CA11: variants seen among roughly 807,000 people sequenced by gnomAD.
CA11 encodes carbonic anhydrase 11 (inactive), also known as carbonic anhydrase-related protein 11.
Under a neutral mutation model 39.3 loss-of-function variants are expected in CA11, and 20 were observed. The ratio of observed to expected loss-of-function variants is 0.51; its 90% CI spans 0.36 to 0.74. The LOEUF (loss-of-function observed/expected upper bound fraction) is 0.74, where lower values mean the gene tolerates loss of function less well. Ranked by LOEUF, CA11 falls within the 30% of genes least tolerant of loss-of-function variation. The pLI, the probability that CA11 is intolerant of heterozygous loss-of-function variation, is 0.00. For synonymous variants in CA11, 166 were observed against 172.5 expected (o/e 0.96, Z 0.29); for missense variants, 336 against 424.6 (o/e 0.79, Z 1.83).
rs762827224 is a variant in CA11, at chr19:48,644,570, C to G, written c.143-1G>C. 6.3e-7 allele frequency: 1 copy of G among 1,582,998 alleles called. No individual in the cohort carries two copies. The highest frequency in any genetic ancestry group is 2.3e-5 in the East Asian group (1 of 44,332). On this transcript the variant is annotated splice_acceptor_variant, in intron 2 of 8. Transcript: ENST00000084798. LOFTEE classifies it high-confidence loss of function. ...TTCACCAGGCCCCAGAAAGGAGGCC[C>G]TGGGGGTGGGGTCGGAGTAGGAGGA...
Position 48,645,723 on chromosome 19 carries a change from G to A in CA11, c.-91C>T, listed in dbSNP as rs2031230194. The A allele has an allele frequency of 9.0e-7, 1 of 1,105,104 alleles. No homozygotes were observed. The highest frequency in any genetic ancestry group is 1.2e-6 in the Non-Finnish European group (1 of 809,918). 68.5% of individuals were successfully genotyped at this position (1,105,104 alleles called of 1,614,324 possible). ...CTCCTTCTGGGACCCTGTCCCTCCA[G>A]GACTTCCAGCTTTCCTCTCCTCCCC... On this transcript the variant is annotated 5_prime_UTR_variant, in exon 1 of 9. Coordinates refer to ENST00000084798, the MANE Select transcript of CA11 (RefSeq NM_001217.5).
At chr19:48,645,302 C>T in intron 2 of CA11, 101 bp downstream of exon 2, 1 of 1,053,622 alleles carries the variant, frequency 9.5e-7, no homozygotes, top group Non-Finnish European at 1.4e-6. Flanking sequence ...GCTGGGACTC[C>T]TGGTCCTGGG....
chr19:48,639,958 T>A, intron 4 of CA11, 75 bp from the exon 5 acceptor site: 1 of 1,533,034 alleles, frequency 6.5e-7, no homozygotes, highest in Non-Finnish European at 9.0e-7. Flanking sequence ...GGGGCCCGAA[T>A]CAGGCTGAGG....
intron 8 of CA11, 136 bp from the exon 9 acceptor site, chr19:48,638,280 C>A (rs757436743): frequency 1.6e-6 from 2 of 1,220,706 alleles, no homozygotes; most frequent in Non-Finnish European, 2.0e-6. Context: ...TGTACTAGGT[C>A]GAGAAGCACT....
At position 48,646,032 on chromosome 19, in the gene CA11, C is replaced by T. The variant is rs1479303942; in HGVS notation, c.-400G>A. ...CCAGGTCTCCATCCCGCATCTCCTC[C>T]TCCTCCTCCCTCTCTCCTTTCCAGC... On this transcript the variant is annotated 5_prime_UTR_variant, in exon 1 of 9. Coordinates refer to ENST00000084798, the MANE Select transcript of CA11 (RefSeq NM_001217.5). The T allele has an allele frequency of 2.6e-6, 1 of 392,088 alleles. No individual in the cohort carries two copies. Among genetic ancestry groups the T allele is most frequent in the Non-Finnish European group, 4.5e-6 (1 of 221,452 alleles). The allele number at this position is 392,088 out of a possible 1,614,324, so 24.3% of individuals were successfully genotyped here. A position where few individuals can be genotyped will look rare whatever the true frequency, so the allele number is the denominator to read the frequency against.
At chr19:48,638,858 G>T in intron 8 of CA11, 30 bp downstream of exon 8, 1 of 1,532,532 alleles carries the variant, frequency 6.5e-7, no homozygotes, top group South Asian at 1.3e-5. Flanking sequence ...GTTAGCCCAA[G>T]ACTTAGAGGG....
chr19:48,641,541 T>C (rs971478849), intron 3 of CA11, among the ~76,000 whole-genome samples: 1 of 152,226 alleles, frequency 6.6e-6, no homozygotes, highest in African/African-American at 2.4e-5. Flanking sequence ...AACTACATCC[T>C]GAGCTCATGT....
At chr19:48,641,456 C>A (rs1454591233) in intron 3 of CA11, among the ~76,000 whole-genome samples, 1 of 152,140 alleles carries the variant, frequency 6.6e-6, no homozygotes, top group African/African-American at 2.4e-5. Flanking sequence ...AGACAAAAGT[C>A]CTGGGCCTTA....
Position 48,645,860 on chromosome 19 carries a change from T to A in CA11, c.-228A>T. ...TCTGTGTCTTTCCTCTTTCCTCTGC[T>A]CTTTTCCCGGAACCCTCCAGTCTCC... On this transcript the variant is annotated 5_prime_UTR_variant, in exon 1 of 9. Coordinates refer to ENST00000084798, the MANE Select transcript of CA11 (RefSeq NM_001217.5). 1 of 526,016 alleles carries A rather than the reference T, an allele frequency of 1.9e-6. No individual in the cohort carries two copies. The highest frequency in any genetic ancestry group is 2.8e-5 in the South Asian group (1 of 36,064). The allele number at this position is 526,016 out of a possible 1,614,324, so 32.6% of individuals were successfully genotyped here.
rs1196178219 is a variant in CA11, at chr19:48,646,038, C to T, written c.-406G>A. ...CTCCATCCCGCATCTCCTCCTCCTC[C>T]TCCCTCTCTCCTTTCCAGCTCCTGC... On this transcript the variant is annotated 5_prime_UTR_variant, in exon 1 of 9. Coordinates refer to ENST00000084798, the MANE Select transcript of CA11 (RefSeq NM_001217.5). The T allele has an allele frequency of 2.6e-6, 1 of 389,492 alleles. No homozygotes were observed. Among genetic ancestry groups the T allele is most frequent in the African/African-American group, 2.1e-5 (1 of 48,444 alleles). The allele number at this position is 389,492 out of a possible 1,614,324, so 24.1% of individuals were successfully genotyped here.
At chr19:48,641,466 A>G (rs2031083317) in intron 3 of CA11, among the ~76,000 whole-genome samples, 1 of 152,208 alleles carries the variant, frequency 6.6e-6, no homozygotes, top group African/African-American at 2.4e-5. Flanking sequence ...CCTGGGCCTT[A>G]TGGAGTTTAT....
At chr19:48,644,590 G>A (rs1202167303) in intron 2 of CA11, 21 bp from the exon 3 acceptor site, 1 of 1,529,056 alleles carries the variant, frequency 6.5e-7, no homozygotes, top group East Asian at 2.3e-5. Context: ...GGTCGGAGTA[G>A]GAGGACAAGG....
intron 4 of CA11, 77 bp from the exon 5 acceptor site, chr19:48,639,960 A>T: frequency 1.3e-6 from 2 of 1,528,024 alleles, no homozygotes; most frequent in Non-Finnish European, 1.8e-6. Context: ...GGCCCGAATC[A>T]GGCTGAGGAT....
At chr19:48,642,399 T>G (rs1050268299) in intron 3 of CA11, among the ~76,000 whole-genome samples, 1 of 152,130 alleles carries the variant, frequency 6.6e-6, no homozygotes, top group African/African-American at 2.4e-5. Context: ...CTTGGGAGGC[T>G]GAGGCAGGAG....
rs59280817 is a variant in CA11, at chr19:48,642,355, T to C, written c.285+2072A>G. Among the ~76,000 whole-genome samples, 1,151 of 151,952 alleles carry C rather than the reference T, an allele frequency of 7.6e-3. 18 individuals carry two copies. Among genetic ancestry groups the C allele is most frequent in the African/African-American group, 0.026 (1,092 of 41,432 alleles). On this transcript the variant is annotated intron_variant, in intron 3 of 8. Coordinates refer to ENST00000084798, the MANE Select transcript of CA11 (RefSeq NM_001217.5). ...CTCTACTAAAAATACAAAAACCAGC[T>C]GGGTGTGGCGGTGGGCGCCTGTAAT...
chr19:48,641,269 C>T (rs979739044), intron 3 of CA11, among the ~76,000 whole-genome samples: 6 of 152,188 alleles, frequency 3.9e-5, no homozygotes, highest in South Asian at 2.1e-4. Flanking sequence ...CGTGAGCCAC[C>T]GTGCCTGGCC....
At chr19:48,640,731 G>A (rs1404331417) in intron 3 of CA11, among the ~76,000 whole-genome samples, 1 of 149,304 alleles carries the variant, frequency 6.7e-6, no homozygotes, top group Non-Finnish European at 1.5e-5. Flanking sequence ...TTGGAGTGCA[G>A]TGGCGAGAGC....
At chr19:48,639,734 C>T in intron 5 of CA11, 54 bp downstream of exon 5, 1 of 1,592,302 alleles carries the variant, frequency 6.3e-7, no homozygotes, top group South Asian at 1.1e-5. Flanking sequence ...TCCCTCAGAC[C>T]CCGGGTTCCA....
chr19:48,638,332 C>T, intron 8 of CA11, 188 bp from the exon 9 acceptor site: 3 of 1,055,284 alleles, frequency 2.8e-6, no homozygotes, highest in Non-Finnish European at 3.4e-6. Flanking sequence ...GGAATCGGGA[C>T]GTCCAGATTC....
Sources: allele counts gnomAD v4.1 joint callset (sites outside exome capture counted in the v4.1 genomes callset), GRCh38; gene constraint gnomAD v4.1.1; transcripts MANE v1.5; gene names NCBI Gene and HGNC (gene_info 2026-07-23, HGNC 2026-07-21).